ZNF827: variants seen among roughly 807,000 people sequenced by gnomAD.
ZNF827 encodes zinc finger protein 827.
ZNF827 carries 13 observed loss-of-function variants against 102.4 expected under a neutral mutation model. The observed-to-expected ratio is 0.13, with a 90% CI of 0.08 to 0.20. The LOEUF is 0.20. Ranked by LOEUF, ZNF827 falls within the 10% of genes least tolerant of loss-of-function variation. The probability of loss-of-function intolerance (pLI) is 1.00; values close to 1 mark genes in which losing one functional copy is unlikely to be tolerated. For missense variants in ZNF827, 1,103 were observed against 1,344.4 expected (o/e 0.82, Z 2.81); for synonymous variants, 523 against 536.2 (o/e 0.98, Z 0.34).
chr4:145,889,849 C>T (rs1225515153), intron 3 of ZNF827, among the ~76,000 whole-genome samples: 2 of 151,858 alleles, frequency 1.3e-5, no homozygotes, highest in African/African-American at 4.8e-5. Context: ...TGGTGGCGGA[C>T]GCCTGTAGTC....
chr4:145,888,615 T>G (rs972482913), intron 3 of ZNF827, among the ~76,000 whole-genome samples: 2 of 152,202 alleles, frequency 1.3e-5, no homozygotes, highest in African/African-American at 4.8e-5. Flanking sequence ...GGTGAGGGCC[T>G]TCATGAGAAG....
intron 11 of ZNF827, among the ~76,000 whole-genome samples, chr4:145,769,161 T>A (rs1311369425): frequency 6.6e-6 from 1 of 151,882 alleles, no homozygotes; most frequent in Non-Finnish European, 1.5e-5. Context: ...TTCACAATTT[T>A]AAAAATCTTG....
chr4:145,796,871 T>G (rs553145923), intron 8 of ZNF827, among the ~76,000 whole-genome samples: 12 of 152,318 alleles, frequency 7.9e-5, no homozygotes, highest in South Asian at 2.1e-4. Context: ...TCTCAGGTGA[T>G]CCACCAGCCT....
intron 1 of ZNF827, among the ~76,000 whole-genome samples, chr4:145,924,646 A>C (rs1753298398): frequency 6.6e-6 from 1 of 152,198 alleles, no homozygotes; most frequent in African/African-American, 2.4e-5. Flanking sequence ...CCTACTTGAA[A>C]AGGCCACTTC....
chr4:145,865,780 C>T (rs76532117), intron 5 of ZNF827, among the ~76,000 whole-genome samples: 78 of 152,336 alleles, frequency 5.1e-4, no homozygotes, highest in Non-Finnish European at 1.1e-3. Context: ...TCGCACCTCA[C>T]CCTCCTGCTC....
Position 145,902,941 on chromosome 4 carries a change from A to G in ZNF827, c.318T>C (p.Ser106=). 1 of 1,614,140 alleles carries G rather than the reference A, an allele frequency of 6.2e-7. No individual in the cohort carries two copies. The highest frequency in any genetic ancestry group is 8.5e-7 in the Non-Finnish European group (1 of 1,180,032). The stretch of plus-strand genomic sequence containing the variant: ...AGCCTGGGTCATCGTCACACAAAGA[A>G]GACACTCCCGGGGAAAGGTGATCTT... ...QCQDHLSPGV[S]SLCDDDPGSN... Residue 106 remains serine (S), a synonymous_variant, in exon 2 of 15, where the codon TCT becomes TCC. Transcript: ENST00000508784. This position sits in a 1 kb window ranked among gnomAD's most constrained non-coding sequence, Gnocchi z 4.3.
chr4:145,908,696 G>A (rs774908410), intron 1 of ZNF827, among the ~76,000 whole-genome samples: 5 of 152,174 alleles, frequency 3.3e-5, no homozygotes, highest in Non-Finnish European at 7.3e-5. Flanking sequence ...AATTCAACAA[G>A]CATTTACTGA....
At chr4:145,790,748 A>G (rs2127052718) in intron 8 of ZNF827, among the ~76,000 whole-genome samples, 1 of 152,314 alleles carries the variant, frequency 6.6e-6, no homozygotes, top group South Asian at 2.1e-4. Flanking sequence ...ACACTGCAAT[A>G]TTCTTGTGTG....
chr4:145,899,049 C>T (rs759717237), intron 2 of ZNF827, among the ~76,000 whole-genome samples: 4 of 151,874 alleles, frequency 2.6e-5, no homozygotes, highest in Non-Finnish European at 5.9e-5. Flanking sequence ...TTCTTGGGGG[C>T]GGTTATTATT....
In ZNF827 at chr4:145,917,302, T is replaced by A. The variant is rs75670656; in HGVS notation, c.44-14087A>T. ...CACGACCAGATAATTTGTAAAGAAC[T>A]GAAATGTATTGGGTTCACAGTTCTG... On this transcript the variant is annotated intron_variant, in intron 1 of 14. Transcript: ENST00000508784. Among the ~76,000 whole-genome samples the A allele has an allele frequency of 5.1e-3, 778 of 152,298 alleles. 6 individuals carry two copies. The highest frequency in any genetic ancestry group is 8.4e-3 in the Non-Finnish European group (569 of 68,012).
At position 145,759,894 on chromosome 4, in the gene ZNF827, T is replaced by C. The variant is rs886124545; in HGVS notation, c.*1722A>G. 4 of 152,198 alleles carry C rather than the reference T, an allele frequency of 2.6e-5. No individual in the cohort carries two copies. The highest frequency in any genetic ancestry group is 7.2e-5 in the African/African-American group (3 of 41,448). The allele number at this position is 152,198 out of a possible 1,614,324, so 9.4% of individuals were successfully genotyped here. Reference sequence around the variant, plus strand: ...AAATGGTAACCACTGAATTAATACATCTCATATATATATATAATCTGCCCT... The same window carrying C: ...AAATGGTAACCACTGAATTAATACACCTCATATATATATATAATCTGCCCT... On this transcript the variant is annotated 3_prime_UTR_variant, in exon 15 of 15. Coordinates refer to ENST00000508784, the MANE Select transcript of ZNF827 (RefSeq NM_001306215.2).
intron 5 of ZNF827, among the ~76,000 whole-genome samples, chr4:145,851,101 G>C (rs1746483981): frequency 6.6e-6 from 1 of 152,182 alleles, no homozygotes; most frequent in African/African-American, 2.4e-5. Flanking sequence ...GCAGCCACTG[G>C]AAGCTGCAAG....
At chr4:145,919,971 A>G (rs1752943723) in intron 1 of ZNF827, among the ~76,000 whole-genome samples, 2 of 152,244 alleles carry the variant, frequency 1.3e-5, no homozygotes, top group Admixed American at 1.3e-4. Flanking sequence ...TTATCCTGCT[A>G]TACACTAGGC....
At chr4:145,798,177 C>G (rs1026405572) in intron 8 of ZNF827, among the ~76,000 whole-genome samples, 1 of 152,160 alleles carries the variant, frequency 6.6e-6, no homozygotes, top group Non-Finnish European at 1.5e-5. Flanking sequence ...GAAAAGACAG[C>G]CTGCTCCTTT....
At chr4:145,858,418 G>A (rs1277829757) in intron 5 of ZNF827, among the ~76,000 whole-genome samples, 1 of 152,062 alleles carries the variant, frequency 6.6e-6, no homozygotes, top group Non-Finnish European at 1.5e-5. Flanking sequence ...GACTGCTTGA[G>A]GTTAGGAGTT....
At chr4:145,847,564 C>T (rs1746112160) in intron 6 of ZNF827, among the ~76,000 whole-genome samples, 1 of 152,184 alleles carries the variant, frequency 6.6e-6, no homozygotes, top group Admixed American at 6.5e-5. Flanking sequence ...GGTAGACCCT[C>T]CCTTACTGTG....
At chr4:145,928,322 T>C (rs1561088537) in intron 1 of ZNF827, among the ~76,000 whole-genome samples, 1 of 152,162 alleles carries the variant, frequency 6.6e-6, no homozygotes, top group Non-Finnish European at 1.5e-5. Context: ...TCAACTTAAA[T>C]CTCTGGGGGT....
At chr4:145,836,478 C>G (rs1270305789) in intron 7 of ZNF827, among the ~76,000 whole-genome samples, 1 of 152,198 alleles carries the variant, frequency 6.6e-6, no homozygotes, top group African/African-American at 2.4e-5. Context: ...CTCATAACTT[C>G]CAAAATGTAT....
chr4:145,850,023 TC>T (rs1359109412), intron 5 of ZNF827, among the ~76,000 whole-genome samples: 1 of 152,034 alleles, frequency 6.6e-6, no homozygotes, highest in Non-Finnish European at 1.5e-5. Context: ...TTTTTTTTTT[TC>T]CTGAGAAGTA....
Sources: gnomAD v4.1 joint callset for allele counts (sites outside exome capture counted in the v4.1 genomes callset) on GRCh38, gnomAD v4.1.1 for gene constraint, Gnocchi (gnomAD v3.1) non-coding constraint, MANE v1.5 for transcripts, NCBI Gene and HGNC (gene_info 2026-07-23, HGNC 2026-07-21) for gene names.